The following CFAP20DC variants were observed in gnomAD, a reference collection of about 807,000 sequenced individuals.
CFAP20DC encodes CFAP20 domain containing.
CFAP20DC carries 84 observed loss-of-function variants against 101.7 expected under a neutral mutation model. The observed-to-expected ratio is 0.83, with a 90% CI of 0.69 to 0.99. The LOEUF is 0.99. Among genes scored for constraint, CFAP20DC ranks in the 50% least tolerant of loss-of-function variants. The pLI, the probability that CFAP20DC is intolerant of heterozygous loss-of-function variation, is 0.00. For missense variants in CFAP20DC, 1,007 were observed against 970.3 expected (o/e 1.04, Z -0.50); for synonymous variants, 359 against 351.2 (o/e 1.02, Z -0.25).
rs76564213 is a variant in CFAP20DC at position 58,866,200 on chromosome 3, C to A, written c.1258+366G>T. ...TTTGCCTTTGTAAAAGTAGCACACA[C>A]CTGCTAGGCAAGATATGTTGATGGG... is the stretch of plus-strand genomic sequence containing the variant. On this transcript the variant is annotated intron_variant, in intron 11 of 16. Coordinates refer to ENST00000482387, the MANE Select transcript of CFAP20DC (RefSeq NM_001394063.1). 6.6e-3 allele frequency among the ~76,000 whole-genome samples: 1,008 copies of A among 152,282 alleles called. 23 individuals are homozygous for A. Among genetic ancestry groups the A allele is most frequent in the African/African-American group, 0.024 (979 of 41,550 alleles).
intron 6 of CFAP20DC, among the ~76,000 whole-genome samples, chr3:58,904,936 A>T (rs1204161062): frequency 2.6e-5 from 4 of 152,198 alleles, no homozygotes; most frequent in African/African-American, 7.2e-5. Flanking sequence ...ATGAATAGTT[A>T]AATAAATAGC....
chr3:58,858,852 C>T (rs891132612), intron 12 of CFAP20DC, among the ~76,000 whole-genome samples: 2 of 152,136 alleles, frequency 1.3e-5, no homozygotes, highest in African/African-American at 4.8e-5. Flanking sequence ...AACAACAGAG[C>T]TAGTATATGT....
At chr3:58,760,326 C>T (rs1332092641) in intron 15 of CFAP20DC, among the ~76,000 whole-genome samples, 2 of 152,164 alleles carry the variant, frequency 1.3e-5, no homozygotes, top group Admixed American at 1.3e-4. Flanking sequence ...CATGATTTTG[C>T]TCTCTGTTTG....
At chr3:58,885,275 A>T (rs1380638119) in intron 6 of CFAP20DC, among the ~76,000 whole-genome samples, 1 of 152,082 alleles carries the variant, frequency 6.6e-6, no homozygotes, top group African/African-American at 2.4e-5. Flanking sequence ...ATAATAGCTT[A>T]TTATACTTAT....
chr3:58,944,395 G>A (rs1217221135), intron 4 of CFAP20DC, among the ~76,000 whole-genome samples: 1 of 152,170 alleles, frequency 6.6e-6, no homozygotes, highest in Non-Finnish European at 1.5e-5. Flanking sequence ...GAGAAAATAA[G>A]ACTCCAGAAA....
At chr3:58,810,038 C>A (rs955631894) in intron 14 of CFAP20DC, among the ~76,000 whole-genome samples, 10 of 152,070 alleles carry the variant, frequency 6.6e-5, no homozygotes, top group East Asian at 1.9e-4. Context: ...CAATAACAGG[C>A]TCTGAAATTG....
chr3:58,982,411 C>CGT (rs1283384363), intron 4 of CFAP20DC, among the ~76,000 whole-genome samples: 1 of 152,002 alleles, frequency 6.6e-6, no homozygotes, highest in Non-Finnish European at 1.5e-5. Flanking sequence ...CACATGCACA[C>CGT]GTATGTTTAT....
intron 4 of CFAP20DC, among the ~76,000 whole-genome samples, chr3:59,024,366 A>G (rs2093855355): frequency 6.6e-6 from 1 of 152,158 alleles, no homozygotes; most frequent in Admixed American, 6.5e-5. Flanking sequence ...TTAGAAATGG[A>G]AAGTTCAACA....
intron 4 of CFAP20DC, among the ~76,000 whole-genome samples, chr3:58,978,590 T>G (rs555504575): frequency 6.6e-6 from 1 of 151,900 alleles, no homozygotes; most frequent in South Asian, 2.1e-4. Context: ...ACGTCTGTAA[T>G]CCCAGCTGCT....
At chr3:58,886,598 G>A (rs887016465) in intron 6 of CFAP20DC, among the ~76,000 whole-genome samples, 2 of 151,952 alleles carry the variant, frequency 1.3e-5, no homozygotes, top group Non-Finnish European at 2.9e-5. Flanking sequence ...CATAGTCCCA[G>A]CCACCCAGGA....
At chr3:58,849,593 A>G (rs1174604899) in intron 12 of CFAP20DC, among the ~76,000 whole-genome samples, 184 bp from the exon 13 acceptor site, 1 of 152,208 alleles carries the variant, frequency 6.6e-6, no homozygotes, top group Non-Finnish European at 1.5e-5. Context: ...AACAGTTATA[A>G]GCCATTTGCT....
chr3:58,899,777 T>C lies in CFAP20DC; in HGVS notation c.550+13931A>G, dbSNP rs2082988614. Reference sequence around the variant, plus strand: ...GATGGGCCATCACCCCACCCTGCTTTTTTTCCATTCTCTGCAGGTCAAGCT... The same window carrying C: ...GATGGGCCATCACCCCACCCTGCTTCTTTTCCATTCTCTGCAGGTCAAGCT... On this transcript the variant is annotated intron_variant, in intron 6 of 16. Coordinates refer to ENST00000482387, the MANE Select transcript of CFAP20DC (RefSeq NM_001394063.1). The surrounding 1 kb of genome is among the most constrained non-coding windows in gnomAD (Gnocchi z 5.0). Among the ~76,000 whole-genome samples the C allele has an allele frequency of 6.6e-6, 1 of 152,104 alleles. No homozygotes were observed. Among genetic ancestry groups the C allele is most frequent in the African/African-American group, 2.4e-5 (1 of 41,436 alleles).
Position 58,971,204 on chromosome 3 carries a change from T to C in CFAP20DC, c.279-33442A>G, listed in dbSNP as rs193128901. Among the ~76,000 whole-genome samples, 68 of 152,258 alleles carry C rather than the reference T, an allele frequency of 4.5e-4. No individual in the cohort carries two copies. Among genetic ancestry groups the C allele is most frequent in the African/African-American group, 1.6e-3 (66 of 41,570 alleles). ...AACGATCACTTTCTGAAGCTTACCA[T>C]AAAGAAGATATTTGGCACTGAAAGT... On this transcript the variant is annotated intron_variant, in intron 4 of 16. Transcript: ENST00000482387. This position sits in a 1 kb window ranked among gnomAD's most constrained non-coding sequence, Gnocchi z 4.1.
At chr3:58,999,504 G>A (rs912288214) in intron 4 of CFAP20DC, among the ~76,000 whole-genome samples, 2 of 152,172 alleles carry the variant, frequency 1.3e-5, no homozygotes, top group African/African-American at 4.8e-5. Flanking sequence ...ATAGACAAAG[G>A]GGCCTAAAGA....
intron 6 of CFAP20DC, among the ~76,000 whole-genome samples, chr3:58,909,375 G>A (rs1485234187): frequency 6.6e-6 from 1 of 151,964 alleles, no homozygotes; most frequent in Non-Finnish European, 1.5e-5. Context: ...GATATATTAC[G>A]ATATTTCTTC....
chr3:58,855,323 A>G (rs2078673820), intron 12 of CFAP20DC, among the ~76,000 whole-genome samples: 1 of 152,326 alleles, frequency 6.6e-6, no homozygotes, highest in Admixed American at 6.5e-5. Context: ...CGATCATTAA[A>G]AAGTCAGGAA....
intron 4 of CFAP20DC, among the ~76,000 whole-genome samples, chr3:59,034,271 G>C (rs553539128): frequency 6.6e-6 from 1 of 152,184 alleles, no homozygotes; most frequent in African/African-American, 2.4e-5. Flanking sequence ...TTGACACTAT[G>C]AAGAAATTGC....
intron 4 of CFAP20DC, chr3:58,992,452 T>A (rs887265236): frequency 2.0e-6 from 1 of 498,204 alleles, no homozygotes; most frequent in African/African-American, 2.1e-5. Context: ...TACAGTCAGT[T>A]GAATGACATA....
chr3:58,917,643 C>CT (rs1383199987), intron 5 of CFAP20DC, among the ~76,000 whole-genome samples: 4 of 152,148 alleles, frequency 2.6e-5, no homozygotes, highest in Non-Finnish European at 5.9e-5. Flanking sequence ...TAATTTTTCA[C>CT]TTTAGTTATA....
Sources: gnomAD v4.1 joint callset for allele counts (sites outside exome capture counted in the v4.1 genomes callset) on GRCh38, gnomAD v4.1.1 for gene constraint, Gnocchi (gnomAD v3.1) non-coding constraint, MANE v1.5 for transcripts, NCBI Gene and HGNC (gene_info 2026-07-23, HGNC 2026-07-21) for gene names.